The following DNAH8 variants were observed in gnomAD, a reference collection of about 807,000 sequenced individuals.
DNAH8 encodes axonemal beta dynein heavy chain 8.
A neutral mutation model predicts 562.1 loss-of-function variants in DNAH8; 382 were observed. The observed-to-expected ratio is 0.68, with a 90% CI of 0.63 to 0.74. DNAH8 has a LOEUF of 0.74. DNAH8 is among the 30% of genes least tolerant of loss of function. DNAH8 has a pLI of 0.00. For synonymous variants in DNAH8, 1,881 were observed against 1,919.4 expected (o/e 0.98, Z 0.52); for missense variants, 5,203 against 5,620.4 (o/e 0.93, Z 2.37).
At chr6:39,009,134 TCA>T (rs1029209860) in intron 89 of DNAH8, among the ~76,000 whole-genome samples, 164 bp downstream of exon 89, 4 of 152,214 alleles carry the variant, frequency 2.6e-5, no homozygotes, top group African/African-American at 7.2e-5. Flanking sequence ...CTCTCATTGT[TCA>T]CATAGTTCTC....
At chr6:38,850,147 A>G (rs1775626713) in intron 37 of DNAH8, 104 bp from the exon 38 acceptor site, 1 of 1,059,008 alleles carries the variant, frequency 9.4e-7, no homozygotes, top group South Asian at 1.6e-5. Flanking sequence ...GCCTGAGACT[A>G]ATAGAGGCTG....
At chr6:38,720,335 A>G (rs1762651068) in intron 1 of DNAH8, among the ~76,000 whole-genome samples, 1 of 152,298 alleles carries the variant, frequency 6.6e-6, no homozygotes, top group East Asian at 1.9e-4. Context: ...TTGGCCAAAG[A>G]AGACACCAAA....
Position 38,930,028 on chromosome 6 carries a change from G to A in DNAH8, c.11274+362G>A, listed in dbSNP as rs548509045. Among the ~76,000 whole-genome samples, 17 of 152,206 alleles carry A rather than the reference G, an allele frequency of 1.1e-4. No homozygotes were observed. The East Asian group carries it at 3.3e-3, about 29-fold the overall frequency. Reference sequence around the variant, plus strand: ...GTATATATATGTTTAAGCAACTCTAGATATTGGTTTTGCAAGCCTTATATA... The same window carrying A: ...GTATATATATGTTTAAGCAACTCTAAATATTGGTTTTGCAAGCCTTATATA... On this transcript the variant is annotated intron_variant, in intron 75 of 92. Transcript: ENST00000327475.
chr6:38,720,878 G>GT (rs1762698098), intron 1 of DNAH8, among the ~76,000 whole-genome samples: 1 of 151,922 alleles, frequency 6.6e-6, no homozygotes, highest in Non-Finnish European at 1.5e-5. Context: ...ATCAGAGAAG[G>GT]TTAACAAAGA....
chr6:39,009,519 A>G (rs1393164621), intron 89 of DNAH8, among the ~76,000 whole-genome samples: 1 of 152,206 alleles, frequency 6.6e-6, no homozygotes, highest in African/African-American at 2.4e-5. Flanking sequence ...AAGTCTTCTA[A>G]GAACCACACT....
chr6:38,879,695 C>T (rs1322515662), intron 53 of DNAH8, among the ~76,000 whole-genome samples: 3 of 151,810 alleles, frequency 2.0e-5, no homozygotes, highest in African/African-American at 7.3e-5. Context: ...TTCTATTCAA[C>T]ATTGTACTAG....
At chr6:38,775,528 A>G (rs1039899751) in intron 12 of DNAH8, among the ~76,000 whole-genome samples, 1 of 152,112 alleles carries the variant, frequency 6.6e-6, no homozygotes, top group Non-Finnish European at 1.5e-5. Context: ...AAGGTTGTGA[A>G]CTCTCTCTGG....
intron 9 of DNAH8, among the ~76,000 whole-genome samples, chr6:38,751,887 C>A (rs1765487479): frequency 6.6e-6 from 1 of 152,162 alleles, no homozygotes; most frequent in African/African-American, 2.4e-5. Context: ...GCTGCCCAGA[C>A]AGCTGCATTT....
intron 10 of DNAH8, among the ~76,000 whole-genome samples, chr6:38,760,978 T>G (rs1766438666): frequency 6.6e-6 from 1 of 152,056 alleles, no homozygotes; most frequent in Admixed American, 6.6e-5. Flanking sequence ...CCCATTCAAT[T>G]TATTCTCTCC....
intron 29 of DNAH8, among the ~76,000 whole-genome samples, chr6:38,827,733 CTTTTTTTTTTTTTTTT>C (rs562852660): frequency 4.0e-4 from 21 of 52,244 alleles, no homozygotes; most frequent in Non-Finnish European, 5.2e-4. Flanking sequence ...CTTTACCAAA[CTTTTTTTTTTTTTTTT>C]TTTTTTTTTT....
chr6:38,901,804 CAAAT>C (rs1158569593), intron 62 of DNAH8, among the ~76,000 whole-genome samples: 1 of 152,002 alleles, frequency 6.6e-6, no homozygotes, highest in African/African-American at 2.4e-5. Flanking sequence ...CATAAAATAT[CAAAT>C]AAGTAGGTAT....
intron 89 of DNAH8, among the ~76,000 whole-genome samples, chr6:39,011,091 A>G (rs778216836): frequency 7.2e-5 from 11 of 152,052 alleles, no homozygotes; most frequent in Admixed American, 1.3e-4. Context: ...TGCCTATTTT[A>G]TATCTGTGCT....
chr6:38,947,212 T>C (rs1001766054), intron 80 of DNAH8, among the ~76,000 whole-genome samples: 3 of 152,146 alleles, frequency 2.0e-5, no homozygotes, highest in Admixed American at 6.5e-5. Context: ...ACACCACCGA[T>C]TGGGCCAGAA....
intron 1 of DNAH8, among the ~76,000 whole-genome samples, chr6:38,717,929 T>C (rs1762466423): frequency 6.6e-6 from 1 of 152,210 alleles, no homozygotes; most frequent in East Asian, 1.9e-4. Context: ...CATCTTAGAA[T>C]TGATGAAATA....
chr6:38,720,057 T>C (rs935115156), intron 1 of DNAH8, among the ~76,000 whole-genome samples: 2 of 152,128 alleles, frequency 1.3e-5, no homozygotes, highest in Non-Finnish European at 2.9e-5. Context: ...TGGACTTTCA[T>C]AGCATGACAC....
At chr6:38,774,076 G>C (rs953965519) in intron 12 of DNAH8, among the ~76,000 whole-genome samples, 1 of 152,166 alleles carries the variant, frequency 6.6e-6, no homozygotes, top group African/African-American at 2.4e-5. Context: ...ACTTGATGGT[G>C]CACTGAATCC....
At chr6:38,900,654 G>T (rs554024498) in intron 62 of DNAH8, among the ~76,000 whole-genome samples, 2 of 148,604 alleles carry the variant, frequency 1.3e-5, no homozygotes, top group African/African-American at 2.5e-5. Context: ...GTCTTGCTCT[G>T]TCGCCCAGGC....
At chr6:38,950,283 A>G (rs879645414) in intron 81 of DNAH8, among the ~76,000 whole-genome samples, 16 of 151,806 alleles carry the variant, frequency 1.1e-4, no homozygotes, top group Non-Finnish European at 2.2e-4. Context: ...CCACATGAAA[A>G]ATGAGAGGTA....
intron 8 of DNAH8, among the ~76,000 whole-genome samples, chr6:38,749,281 C>T (rs936030901): frequency 1.3e-5 from 2 of 151,966 alleles, no homozygotes; most frequent in African/African-American, 2.4e-5. Context: ...AACAGAAAAC[C>T]GAACACCACA....
Sources: allele counts gnomAD v4.1 joint callset (sites outside exome capture counted in the v4.1 genomes callset), GRCh38; gene constraint gnomAD v4.1.1; transcripts MANE v1.5; gene names NCBI Gene and HGNC (gene_info 2026-07-23, HGNC 2026-07-21).